The following KLHL1 variants were observed in gnomAD, a reference collection of about 807,000 sequenced individuals.
KLHL1 encodes the protein kelch like family member 1.
In KLHL1, 47 loss-of-function variants were observed where a neutral mutation model predicts 77.7. That is an observed-to-expected ratio of 0.60 (90% CI 0.48 to 0.77). The LOEUF (loss-of-function observed/expected upper bound fraction) is 0.77, where lower values mean the gene tolerates loss of function less well. Ranked by LOEUF, KLHL1 falls within the 30% of genes least tolerant of loss-of-function variation. The pLI is 0.00. For missense variants in KLHL1, 925 were observed against 910.8 expected, an observed-to-expected ratio of 1.02 and a Z score of -0.20; for synonymous variants, 360 against 325.2, an observed-to-expected ratio of 1.11 and a Z score of -1.15.
intron 1 of KLHL1, among the ~76,000 whole-genome samples, chr13:70,033,415 C>CTG (rs1886157754): frequency 6.6e-6 from 1 of 151,484 alleles, no homozygotes; most frequent in African/African-American, 2.4e-5. Flanking sequence ...TCAGCCTCTC[C>CTG]AGTAGCTGGG....
intron 8 of KLHL1, among the ~76,000 whole-genome samples, chr13:69,737,931 G>A (rs1443078712): frequency 6.6e-6 from 1 of 152,140 alleles, no homozygotes; most frequent in Non-Finnish European, 1.5e-5. Context: ...TGCTCCTCCT[G>A]ACTGGGTGAG....
At chr13:70,022,207 T>A (rs1463775101) in intron 1 of KLHL1, among the ~76,000 whole-genome samples, 1 of 151,962 alleles carries the variant, frequency 6.6e-6, no homozygotes, top group Non-Finnish European at 1.5e-5. Flanking sequence ...TATCCAGTTG[T>A]TCTAGCACTG....
At chr13:70,007,418 C>T (rs1885431521) in intron 1 of KLHL1, among the ~76,000 whole-genome samples, 1 of 151,016 alleles carries the variant, frequency 6.6e-6, no homozygotes, top group Admixed American at 6.6e-5. Flanking sequence ...GCACTCCATC[C>T]TGGGCAACAC....
chr13:69,719,625 G>T (rs1362042606), intron 8 of KLHL1, 44 bp from the exon 9 acceptor site: 1 of 1,483,044 alleles, frequency 6.7e-7, no homozygotes. Flanking sequence ...TCATAGTCTG[G>T]ATGACAAAAT....
intron 1 of KLHL1, among the ~76,000 whole-genome samples, chr13:69,982,479 T>TAAA (rs1029722644): frequency 0.013 from 1,829 of 142,000 alleles, 14 homozygotes; most frequent in African/African-American, 0.03. Flanking sequence ...ATAATAATAA[T>TAAA]AAAATAAAAA....
rs372665893 is a variant in KLHL1, at chr13:69,768,936, A to G, written c.1639+27802T>C. On this transcript the variant is annotated intron_variant, in intron 7 of 10. Transcript: ENST00000377844. ...GATTTTATACCATCAATGATATTTT[A>G]CTTTCATGTAATGCAGTTTTTATAC... Among the ~76,000 whole-genome samples, 18 of 152,300 alleles carry G rather than the reference A, an allele frequency of 1.2e-4. No homozygotes were observed. In the East Asian group the frequency reaches 1.7e-3, roughly 15 times the overall value.
chr13:70,030,196 G>T (rs998467182), intron 1 of KLHL1, among the ~76,000 whole-genome samples: 1 of 152,018 alleles, frequency 6.6e-6, no homozygotes, highest in Non-Finnish European at 1.5e-5. Context: ...GAGACAGAAA[G>T]TTAGCAAGGA....
At chr13:69,742,267 G>A (rs1389546914) in intron 7 of KLHL1, among the ~76,000 whole-genome samples, 1 of 152,128 alleles carries the variant, frequency 6.6e-6, no homozygotes, top group Non-Finnish European at 1.5e-5. Flanking sequence ...ATGCTTTTAA[G>A]CATGACTGCA....
At chr13:69,997,495 G>A (rs529373268) in intron 1 of KLHL1, among the ~76,000 whole-genome samples, 11 of 150,896 alleles carry the variant, frequency 7.3e-5, no homozygotes, top group East Asian at 2.0e-4. Context: ...GGAAACCACC[G>A]CTTTCCTCTG....
chr13:70,010,910 AT>A (rs879779398), intron 1 of KLHL1, among the ~76,000 whole-genome samples: 6 of 97,492 alleles, frequency 6.2e-5, no homozygotes, highest in Admixed American at 1.0e-4. Flanking sequence ...AATAATAATA[AT>A]AATAAAATAA....
chr13:69,914,741 A>G (rs1593944596), intron 4 of KLHL1, among the ~76,000 whole-genome samples: 1 of 152,334 alleles, frequency 6.6e-6, no homozygotes, highest in East Asian at 1.9e-4. Flanking sequence ...TAAACAATAT[A>G]TATATGTATA....
intron 5 of KLHL1, among the ~76,000 whole-genome samples, chr13:69,862,432 A>G (rs1416482933): frequency 1.3e-5 from 2 of 152,106 alleles, no homozygotes. Context: ...TTTAATTCCT[A>G]CCCTTAAGGT....
intron 5 of KLHL1, among the ~76,000 whole-genome samples, chr13:69,855,872 T>TG (rs1879895253): frequency 6.8e-6 from 1 of 146,574 alleles, no homozygotes; most frequent in Admixed American, 6.9e-5. Flanking sequence ...ATATTATATA[T>TG]TATATATGTT....
chr13:70,092,855 G>C (rs1241090840), intron 1 of KLHL1, among the ~76,000 whole-genome samples: 1 of 152,072 alleles, frequency 6.6e-6, no homozygotes, highest in Non-Finnish European at 1.5e-5. Context: ...CGCTTTCAGT[G>C]CTTGATGATC....
intron 2 of KLHL1, among the ~76,000 whole-genome samples, chr13:69,970,122 A>T (rs1309867407): frequency 6.6e-6 from 1 of 152,058 alleles, no homozygotes; most frequent in East Asian, 1.9e-4. Flanking sequence ...TCAGGCCTCT[A>T]CATTTTGCCT....
intron 1 of KLHL1, among the ~76,000 whole-genome samples, chr13:70,019,242 T>C (rs1056465115): frequency 1.3e-5 from 2 of 152,050 alleles, no homozygotes; most frequent in African/African-American, 2.4e-5. Context: ...AGAGAACAAA[T>C]GGAAACGTAA....
At chr13:69,990,326 C>T (rs980447661) in intron 1 of KLHL1, among the ~76,000 whole-genome samples, 1 of 151,908 alleles carries the variant, frequency 6.6e-6, no homozygotes, top group South Asian at 2.1e-4. Context: ...ATCAATACTA[C>T]CCCTGAATGT....
intron 1 of KLHL1, among the ~76,000 whole-genome samples, chr13:70,003,921 A>T (rs1354526396): frequency 6.6e-6 from 1 of 151,842 alleles, no homozygotes; most frequent in Non-Finnish European, 1.5e-5. Context: ...GACAGTGTTA[A>T]GAGAATGGAC....
chr13:69,995,179 C>A (rs184958315), intron 1 of KLHL1, among the ~76,000 whole-genome samples: 27 of 152,040 alleles, frequency 1.8e-4, no homozygotes, highest in African/African-American at 6.5e-4. Context: ...TGACAGAGAC[C>A]ATATACCCCA....
Sources: gnomAD v4.1 joint callset for allele counts (sites outside exome capture counted in the v4.1 genomes callset) on GRCh38, gnomAD v4.1.1 for gene constraint, MANE v1.5 for transcripts, NCBI Gene and HGNC (gene_info 2026-07-23, HGNC 2026-07-21) for gene names.